GOLGA8S: variants seen among roughly 807,000 people sequenced by gnomAD.
GOLGA8S encodes golgin subfamily A member 8S.
GOLGA8S carries 23 observed loss-of-function variants against 58.9 expected under a neutral mutation model. That is an observed-to-expected ratio of 0.39 (90% CI 0.28 to 0.55). GOLGA8S has a LOEUF of 0.55. GOLGA8S is among the 20% of genes least tolerant of loss of function. The pLI, the probability that GOLGA8S is intolerant of heterozygous loss-of-function variation, is 0.63. For missense variants in GOLGA8S, 266 were observed against 514.2 expected, an observed-to-expected ratio of 0.52 and a Z score of 4.67; for synonymous variants, 84 against 195.7, an observed-to-expected ratio of 0.43 and a Z score of 4.76.
exon 17 of GOLGA8S, chr15:23,364,532 C>G: frequency 6.2e-7 from 1 of 1,601,474 alleles, no homozygotes; most frequent in Non-Finnish European, 8.5e-7. Context: ...GCAGGAAAAT[C>G]CATCACCTTT....
At chr15:23,364,305 G>C in intron 15 of GOLGA8S, 38 bp from the exon 16 acceptor site, 1 of 1,596,518 alleles carries the variant, frequency 6.3e-7, no homozygotes, top group Non-Finnish European at 8.5e-7. Flanking sequence ...CTGAGGGCAG[G>C]TCGCTGCCGA....
downstream of GOLGA8S, chr15:23,365,703 T>C (rs1240534081): frequency 5.8e-6 from 1 of 172,946 alleles, no homozygotes; most frequent in Non-Finnish European, 1.2e-5. Flanking sequence ...GGAAACAGCC[T>C]TTCCTCCATT....
downstream of GOLGA8S, among the ~76,000 whole-genome samples, chr15:23,368,302 A>T (rs1383680122): frequency 6.6e-6 from 1 of 151,870 alleles, no homozygotes; most frequent in African/African-American, 2.4e-5. Context: ...TAATGTAATA[A>T]ATCATTAAAT....
intron 8 of GOLGA8S, among the ~76,000 whole-genome samples, chr15:23,359,437 A>C (rs2069746867): frequency 6.8e-6 from 1 of 146,808 alleles, no homozygotes; most frequent in South Asian, 2.2e-4. Flanking sequence ...CTTGGAGGCC[A>C]AGTGCCTGCC....
intron 11 of GOLGA8S, 84 bp from the exon 12 acceptor site, chr15:23,361,132 GTTTTT>G (rs1415303001): frequency 5.5e-6 from 5 of 907,936 alleles, no homozygotes; most frequent in Non-Finnish European, 8.2e-6. Flanking sequence ...CAAGAGGAGG[GTTTTT>G]TCTTTTCTTT....
downstream of GOLGA8S, chr15:23,366,568 G>A (rs1256565944): frequency 1.3e-5 from 2 of 152,094 alleles, no homozygotes; most frequent in African/African-American, 4.8e-5. Flanking sequence ...ATCAGGAAAC[G>A]TGCCTATACA....
chr15:23,364,686 A>T, intron 17 of GOLGA8S, 33 bp from the exon 18 acceptor site: 2 of 1,497,274 alleles, frequency 1.3e-6, no homozygotes, highest in South Asian at 2.4e-5. Flanking sequence ...GGGCGCAGGC[A>T]GCGGCATGGC....
chr15:23,364,496 C>T (rs765099270), intron 16 of GOLGA8S, 30 bp from the exon 17 acceptor site: 18 of 1,604,864 alleles, frequency 1.1e-5, no homozygotes, highest in Admixed American at 3.3e-5. Flanking sequence ...GTCGGAGGGG[C>T]CCCAGCGTCT....
chr15:23,366,401 A>G (rs977319558), downstream of GOLGA8S: 2 of 151,740 alleles, frequency 1.3e-5, no homozygotes, highest in Non-Finnish European at 2.9e-5. Flanking sequence ...TAATAGAAAC[A>G]TTATTATAAA....
Position 23,364,312 on chromosome 15 carries a change from C to G in GOLGA8S, c.1348-31C>G, listed in dbSNP as rs755131840. On this transcript the variant is annotated intron_variant, in intron 15 of 18. Coordinates refer to ENST00000562295, the Ensembl canonical transcript of GOLGA8S. ...AATGCCACCTGAGGGCAGGTCGCTG[C>G]CGAGATGTGACTACAATATTTTGGC... 3.6e-4 allele frequency: 578 copies of G among 1,596,990 alleles called. 10 individuals are homozygous for G. The highest frequency in any genetic ancestry group is 4.5e-4 in the Non-Finnish European group (529 of 1,177,380).
exon 12 of GOLGA8S, chr15:23,361,252 G>A: frequency 6.7e-7 from 1 of 1,499,442 alleles, no homozygotes; most frequent in Non-Finnish European, 9.2e-7. Flanking sequence ...CCCCAGCAGT[G>A]CCCTCTGAGG....
chr15:23,362,175 C>T (rs1221667813), intron 13 of GOLGA8S, among the ~76,000 whole-genome samples: 4 of 149,890 alleles, frequency 2.7e-5, no homozygotes, highest in Admixed American at 2.7e-4. Context: ...GCCTGGCCGA[C>T]ATGGTAAAAC....
At chr15:23,361,251 T>C (rs1423217155) in exon 12 of GOLGA8S, 13 of 1,500,120 alleles carry the variant, frequency 8.7e-6, no homozygotes, top group Non-Finnish European at 1.2e-5. Flanking sequence ...CCCCCAGCAG[T>C]GCCCTCTGAG....
chr15:23,368,358 T>C (rs1274511852), downstream of GOLGA8S, among the ~76,000 whole-genome samples: 1 of 151,958 alleles, frequency 6.6e-6, no homozygotes, highest in African/African-American at 2.4e-5. Flanking sequence ...TTTGTGTTTC[T>C]TGAAAACTAT....
chr15:23,364,514 G>C lies in GOLGA8S; in HGVS notation c.1449-12G>C, dbSNP rs748490363. The stretch of plus-strand genomic sequence containing the variant: ...GGAGGGGCCCCAGCGTCTGAGCCCT[G>C]TCCTCCCGCAGGAAAATCCATCACC... On this transcript the variant is annotated splice_polypyrimidine_tract_variant and intron_variant, in intron 16 of 18. Transcript: ENST00000562295. 6.2e-7 allele frequency: 1 copy of C among 1,603,666 alleles called. No homozygotes were observed. The highest frequency in any genetic ancestry group is 8.5e-7 in the Non-Finnish European group (1 of 1,178,904).
At position 23,364,564 on chromosome 15, in the gene GOLGA8S, C is replaced by G. The variant is rs778214637; in HGVS notation, c.1487C>G (p.Ala496Gly). 4.4e-6 allele frequency: 7 copies of G among 1,578,204 alleles called. No homozygotes were observed. The East Asian group carries it at 1.6e-4, about 35-fold the overall frequency. Reference sequence around the variant, plus strand: ...CTTTTATCAGAACCAGGGGGCCGTGCCAAAGATGCGGCACTGGGAGGAGGA... The same window carrying G: ...CTTTTATCAGAACCAGGGGGCCGTGGCAAAGATGCGGCACTGGGAGGAGGA... Residue 496 changes from alanine (A) to glycine (G), a missense_variant, in exon 17 of 19, where the codon GCC (alanine) becomes GGC (glycine). Ala to Gly is a moderately conservative substitution (Grantham distance 60). Coordinates refer to ENST00000562295, the Ensembl canonical transcript of GOLGA8S.
chr15:23,368,198 C>T (rs2141034332), downstream of GOLGA8S, among the ~76,000 whole-genome samples: 1 of 151,910 alleles, frequency 6.6e-6, no homozygotes, highest in South Asian at 2.1e-4. Context: ...TGAATTTTAC[C>T]AGTTTGTGAA....
chr15:23,361,517 C>T (rs2069803544), intron 12 of GOLGA8S, 61 bp downstream of exon 12: 1 of 733,724 alleles, frequency 1.4e-6, no homozygotes, highest in Non-Finnish European at 2.4e-6. Flanking sequence ...TTTGTTTCCC[C>T]ACCTATAAAA....
chr15:23,364,254 C>G, intron 15 of GOLGA8S, 89 bp from the exon 16 acceptor site: 2 of 1,558,128 alleles, frequency 1.3e-6, no homozygotes, highest in South Asian at 1.1e-5. Flanking sequence ...TGGCCCATGC[C>G]AGGACTCACC....
Sources: allele counts gnomAD v4.1 joint callset (sites outside exome capture counted in the v4.1 genomes callset), GRCh38; gene constraint gnomAD v4.1.1; transcripts MANE v1.5; gene names NCBI Gene and HGNC (gene_info 2026-07-23, HGNC 2026-07-21).